The following MCPH1 variants were observed in gnomAD, a reference collection of about 807,000 sequenced individuals.
The protein encoded by MCPH1 is microcephalin.
A neutral mutation model predicts 84.5 loss-of-function variants in MCPH1; 104 were observed. The ratio of observed to expected loss-of-function variants is 1.23; its 90% confidence interval spans 1.05 to 1.45. The LOEUF is 1.45. Among genes scored for constraint, MCPH1 ranks in the 40% most tolerant of loss-of-function variants. The pLI is 0.00. For synonymous variants in MCPH1, 514 were observed against 366.8 expected, an observed-to-expected ratio of 1.40 and a Z score of -4.58; for missense variants, 1,498 against 1,005.7, an observed-to-expected ratio of 1.49 and a Z score of -6.62.
At chr8:6,604,574 G>A (rs1327542510) in intron 12 of MCPH1, among the ~76,000 whole-genome samples, 3 of 152,206 alleles carry the variant, frequency 2.0e-5, no homozygotes, top group Admixed American at 6.5e-5. Flanking sequence ...GCGCAAACTC[G>A]GCTCACTGCA....
At chr8:6,539,152 G>A (rs1821050690) in intron 12 of MCPH1, among the ~76,000 whole-genome samples, 1 of 152,216 alleles carries the variant, frequency 6.6e-6, no homozygotes, top group African/African-American at 2.4e-5. Context: ...CGGATTTTGG[G>A]CAGCACTTTG....
intron 12 of MCPH1, chr8:6,502,127 C>G (rs1812311347): frequency 6.6e-6 from 1 of 152,034 alleles, no homozygotes; most frequent in Non-Finnish European, 1.5e-5. Context: ...AAACAGACCT[C>G]TGTTTTAGAA....
At position 6,643,873 on chromosome 8, in the gene MCPH1, C is replaced by T. The variant is rs1209123744; in HGVS notation, c.*824C>T. On this transcript the variant is annotated 3_prime_UTR_variant, in exon 14 of 14. Transcript: ENST00000344683. ...CTGCTTTATGGTGAGCAAAGCATCA[C>T]CAGCAAGTGATCACAATGTCCACTG... 3 of 152,192 alleles carry T rather than the reference C, an allele frequency of 2.0e-5. No individual in the cohort carries two copies. Among genetic ancestry groups the T allele is most frequent in the African/African-American group, 7.2e-5 (3 of 41,438 alleles). The allele number at this position is 152,192 out of a possible 1,614,324, so 9.4% of individuals were successfully genotyped here.
chr8:6,562,740 C>T, intron 12 of MCPH1: 1 of 1,613,884 alleles, frequency 6.2e-7, no homozygotes, highest in Non-Finnish European at 8.5e-7. Flanking sequence ...CGTCCCTCTG[C>T]ACAGCATTGG....
At chr8:6,638,470 C>A (rs1022516110) in intron 13 of MCPH1, among the ~76,000 whole-genome samples, 34 of 151,662 alleles carry the variant, frequency 2.2e-4, no homozygotes, top group Admixed American at 4.6e-4. Flanking sequence ...ATTTTGGTAG[C>A]ATGTTGATTC....
chr8:6,503,026 A>T (rs1245295166), intron 12 of MCPH1: 10 of 1,560,546 alleles, frequency 6.4e-6, no homozygotes, highest in African/African-American at 1.4e-5. Flanking sequence ...CACAGTGCGC[A>T]GCCGTGACTT....
intron 12 of MCPH1, among the ~76,000 whole-genome samples, chr8:6,530,391 C>T (rs755242701): frequency 2.0e-5 from 3 of 151,892 alleles, no homozygotes; most frequent in Non-Finnish European, 4.4e-5. Context: ...CACCTGTAAT[C>T]CCAGCTACGC....
intron 3 of MCPH1, among the ~76,000 whole-genome samples, chr8:6,428,886 C>T (rs1801444394): frequency 6.6e-6 from 1 of 150,572 alleles, no homozygotes; most frequent in African/African-American, 2.4e-5. Flanking sequence ...GCTGCTTCTG[C>T]AGATAAGCTG....
intron 12 of MCPH1, among the ~76,000 whole-genome samples, chr8:6,573,140 C>G (rs961321952): frequency 5.3e-5 from 8 of 152,270 alleles, no homozygotes; most frequent in African/African-American, 1.9e-4. Flanking sequence ...CTGGAACTAG[C>G]TGCTGAAGAG....
chr8:6,642,835 A>G, intron 13 of MCPH1, 159 bp from the exon 14 acceptor site: 1 of 704,614 alleles, frequency 1.4e-6, no homozygotes, highest in South Asian at 1.5e-5. Context: ...CGTTAATTTA[A>G]AAAGGTATGT....
chr8:6,446,480 CA>C (rs1804394710), intron 8 of MCPH1: 2 of 984,866 alleles, frequency 2.0e-6, no homozygotes, highest in African/African-American at 3.5e-5. Flanking sequence ...AATTGTTTCA[CA>C]AAAAGAATGA....
intron 9 of MCPH1, among the ~76,000 whole-genome samples, chr8:6,463,950 A>G (rs886200858): frequency 6.6e-6 from 1 of 152,224 alleles, no homozygotes; most frequent in African/African-American, 2.4e-5. Context: ...AAGTTGAAAG[A>G]GCAGTGACTC....
intron 12 of MCPH1, among the ~76,000 whole-genome samples, chr8:6,552,573 A>G (rs531488554): frequency 5.6e-4 from 86 of 152,332 alleles, no homozygotes; most frequent in Non-Finnish European, 1.2e-3. Flanking sequence ...ATAGATCTTG[A>G]TAAGTGTCTT....
At chr8:6,599,395 T>C (rs1258412969) in intron 12 of MCPH1, among the ~76,000 whole-genome samples, 1 of 152,166 alleles carries the variant, frequency 6.6e-6, no homozygotes, top group Non-Finnish European at 1.5e-5. Flanking sequence ...CGCGGCTTAG[T>C]GAAAGAATGA....
At chr8:6,596,009 T>G (rs1828900054) in intron 12 of MCPH1, among the ~76,000 whole-genome samples, 1 of 152,246 alleles carries the variant, frequency 6.6e-6, no homozygotes, top group Admixed American at 6.5e-5. Context: ...ACAGTCTCTT[T>G]CTTTTTATTC....
At chr8:6,563,073 C>CT in intron 12 of MCPH1, 3 of 924,736 alleles carry the variant, frequency 3.2e-6, no homozygotes, top group Admixed American at 2.9e-5. Flanking sequence ...TCTCTTTCCT[C>CT]TTTTTCCAGT....
chr8:6,450,549 G>T (rs1804974874), intron 8 of MCPH1, among the ~76,000 whole-genome samples: 1 of 149,708 alleles, frequency 6.7e-6, no homozygotes, highest in Non-Finnish European at 1.5e-5. Context: ...GTGGGTATTG[G>T]GTTCCCCTGC....
Position 6,643,276 on chromosome 8 carries a change from AT to A in MCPH1, c.*233del. The A allele has an allele frequency of 1.8e-6, 1 of 551,568 alleles. No individual in the cohort carries two copies. The highest frequency in any genetic ancestry group is 3.2e-6 in the Non-Finnish European group (1 of 310,894). The allele number at this position is 551,568 out of a possible 1,614,324, so 34.2% of individuals were successfully genotyped here. A position where few individuals can be genotyped will look rare whatever the true frequency, so the allele number is the denominator to read the frequency against. On this transcript the variant is annotated 3_prime_UTR_variant, in exon 14 of 14. Transcript: ENST00000344683. ...CCTTTTTATTTTTATTTTATTTTTT[AT>A]TTTTTGAGACGGAGTCCTGCCCTGT...
Position 6,406,673 on chromosome 8 carries a change from G to T in MCPH1, c.6G>T (p.Ala2=). Reference sequence around the variant, plus strand: ...GCCGGATCCCGCCGTCTGTCATGGCGGCCCCCATCCTGAAAGGTGAGGTAC... The same window carrying T: ...GCCGGATCCCGCCGTCTGTCATGGCTGCCCCCATCCTGAAAGGTGAGGTAC... M[A]APILKDVVAY... is the part of the protein sequence containing the mutation. The change falls in exon 1 of 14, where the codon GCG becomes GCT. Residue 2 remains alanine, a synonymous_variant. Transcript: ENST00000344683. 6.2e-7 allele frequency: 1 copy of T among 1,612,094 alleles called. No homozygotes were observed. Among genetic ancestry groups the T allele is most frequent in the African/African-American group, 1.3e-5 (1 of 75,032 alleles).
Sources: allele counts gnomAD v4.1 joint callset (sites outside exome capture counted in the v4.1 genomes callset), GRCh38; gene constraint gnomAD v4.1.1; transcripts MANE v1.5; gene names NCBI Gene and HGNC (gene_info 2026-07-23, HGNC 2026-07-21).